The following FCN2 variants were observed in gnomAD, a reference collection of about 807,000 sequenced individuals.
FCN2 encodes ficolin-2.
In FCN2, 31 loss-of-function variants were observed where a neutral mutation model predicts 32.5. The ratio of observed to expected loss-of-function variants is 0.96; its 90% CI spans 0.72 to 1.29. The LOEUF (loss-of-function observed/expected upper bound fraction) is 1.29, where lower values mean the gene tolerates loss of function less well. Among genes scored for constraint, FCN2 ranks in the 50% most tolerant of loss-of-function variants. The probability of loss-of-function intolerance (pLI) is 0.00; values close to 1 mark genes in which losing one functional copy is unlikely to be tolerated. For missense variants in FCN2, 412 were observed against 406.5 expected (o/e 1.01, Z -0.12); for synonymous variants, 181 against 164.5 (o/e 1.10, Z -0.77).
At chr9:134,865,713 A>G in the FCN2 span, among the ~76,000 whole-genome samples, 294 of 152,362 alleles carry the variant, frequency 1.9e-3, no homozygotes, top group Admixed American at 4.8e-3. Context: ...ATGGTCTCTT[A>G]GAGCACCCTT....
chr9:134,874,373 C>G, the FCN2 span, among the ~76,000 whole-genome samples: 5 of 152,096 alleles, frequency 3.3e-5, no homozygotes, highest in Non-Finnish European at 7.4e-5. Flanking sequence ...GAGCTATGAT[C>G]TATTTCAAAT....
At chr9:134,864,759 G>A in the FCN2 span, among the ~76,000 whole-genome samples, 3 of 152,304 alleles carry the variant, frequency 2.0e-5, no homozygotes, top group East Asian at 3.9e-4. Flanking sequence ...CGCCAGGCCC[G>A]GTACTATGCC....
At chr9:134,887,028 T>A in intron 7 of FCN2, 140 bp from the exon 8 acceptor site, 2 of 985,180 alleles carry the variant, frequency 2.0e-6, no homozygotes, top group South Asian at 2.6e-5. Flanking sequence ...AGTCATGGAT[T>A]GCACTTCTTG....
At chr9:134,872,280 A>C in the FCN2 span, among the ~76,000 whole-genome samples, 1 of 151,964 alleles carries the variant, frequency 6.6e-6, no homozygotes, top group East Asian at 1.9e-4. Context: ...TCCGATCAGC[A>C]GAGTCATACT....
At chr9:134,884,712 A>G in intron 3 of FCN2, 28 bp from the exon 4 acceptor site, 4 of 1,612,728 alleles carry the variant, frequency 2.5e-6, no homozygotes, top group Non-Finnish European at 3.4e-6. Context: ...AAACTGTGAC[A>G]CGTGTGTCCT....
the FCN2 span, among the ~76,000 whole-genome samples, chr9:134,873,888 T>C: frequency 2.0e-4 from 1 of 4,882 alleles, no homozygotes; most frequent in Non-Finnish European, 3.7e-4. Context: ...TGTTTGTTTG[T>C]TTTGTTTTTT....
chr9:134,881,039 A>G (rs2132996243), intron 1 of FCN2, 118 bp downstream of exon 1: 1 of 750,868 alleles, frequency 1.3e-6, no homozygotes, highest in Non-Finnish European at 2.4e-6. Context: ...GCATCGTCTA[A>G]CGAGACAGCA....
At chr9:134,881,650 C>T (rs3124954) in intron 1 of FCN2, among the ~76,000 whole-genome samples, 48,882 of 151,982 alleles carry the variant, frequency 0.32, 8,233 homozygotes, top group South Asian at 0.43. Context: ...TTCTGGAATG[C>T]ATGTGAGACA....
intron 4 of FCN2, 109 bp from the exon 5 acceptor site, chr9:134,885,130 T>C: frequency 2.7e-6 from 4 of 1,468,842 alleles, no homozygotes; most frequent in Non-Finnish European, 3.8e-6. Context: ...TCCCGCTCTG[T>C]TCATACAGAC....
At chr9:134,872,923 TC>T in the FCN2 span, among the ~76,000 whole-genome samples, 1 of 152,216 alleles carries the variant, frequency 6.6e-6, no homozygotes. Context: ...GTCCTCCACA[TC>T]CTTGTCAGCA....
chr9:134,867,550 T>G, the FCN2 span, among the ~76,000 whole-genome samples: 1 of 145,280 alleles, frequency 6.9e-6, no homozygotes, highest in Admixed American at 6.9e-5. Flanking sequence ...AGATGACGAG[T>G]TAGTGGGTGC....
chr9:134,887,208 C>T lies in FCN2; in HGVS notation c.735C>T (p.Thr245=), dbSNP rs1433211552. ...LTFHNNQSFS[T]KDQDNDLNTG... ...TCCACAACAACCAGTCCTTCTCCACCAAAGACCAGGACAATGATCTTAACA... is the reference window on the plus strand; with the variant it reads ...TCCACAACAACCAGTCCTTCTCCACTAAAGACCAGGACAATGATCTTAACA... Residue 245 remains threonine, a synonymous_variant, in exon 8 of 8, where the codon ACC becomes ACT. Transcript: ENST00000291744. 1.9e-6 allele frequency: 3 copies of T among 1,614,098 alleles called. No individual in the cohort carries two copies. Among genetic ancestry groups the T allele is most frequent in the African/African-American group, 1.3e-5 (1 of 75,060 alleles).
Position 134,885,357 on chromosome 9 carries a change from G to C in FCN2, c.420G>C (p.Gly140=). Residue 140 remains glycine (G), a synonymous_variant, in exon 5 of 8, where the codon GGG becomes GGC. Coordinates refer to ENST00000291744, the MANE Select transcript of FCN2 (RefSeq NM_004108.3). ...TVLCDMDTDG[G]GWTVFQRRVD... ...TCTGTGACATGGACACGGACGGAGGGGGCTGGACCGTGAGTGTGGGGCTGG... is the reference window on the plus strand; with the variant it reads ...TCTGTGACATGGACACGGACGGAGGCGGCTGGACCGTGAGTGTGGGGCTGG... 1 of 1,613,698 alleles carries C rather than the reference G, an allele frequency of 6.2e-7. No homozygotes were observed. Among genetic ancestry groups the C allele is most frequent in the East Asian group, 2.2e-5 (1 of 44,850 alleles).
the FCN2 span, chr9:134,868,414 A>C: frequency 5.0e-6 from 1 of 200,370 alleles, no homozygotes; most frequent in South Asian, 1.1e-4. The surrounding 1 kb of genome is among the most constrained non-coding windows in gnomAD (Gnocchi z 4.3). Flanking sequence ...ATCAACTGGA[A>C]GTCGGGGAAA....
Position 134,882,637 on chromosome 9 carries a change from G to C in FCN2, c.212G>C (p.Arg71Thr). 6.2e-7 allele frequency: 1 copy of C among 1,606,234 alleles called. No individual in the cohort carries two copies. Among genetic ancestry groups the C allele is most frequent in the Non-Finnish European group, 8.5e-7 (1 of 1,172,962 alleles). The change falls in exon 2 of 8, where the codon AGA becomes ACA. Residue 71 changes from arginine (R) to threonine (T), a missense_variant and splice_region_variant. Coordinates refer to ENST00000291744, the MANE Select transcript of FCN2 (RefSeq NM_004108.3). ...GGAGAGGCAGGCACCAATGGAAAGA[G>C]AGGTAGGTGCAGGCATGGCTGGGGG... is the stretch of plus-strand genomic sequence containing the variant. Reference protein sequence around the residue: ...PKGEAGTNGKRGERGPPGPPG... With the variant: ...PKGEAGTNGKTGERGPPGPPG...
chr9:134,884,718 G>T, intron 3 of FCN2, 22 bp from the exon 4 acceptor site: 1 of 1,613,338 alleles, frequency 6.2e-7, no homozygotes, highest in Non-Finnish European at 8.5e-7. Flanking sequence ...TGACACGTGT[G>T]TCCTCTCTCA....
intron 5 of FCN2, 130 bp downstream of exon 5, chr9:134,885,496 T>C (rs1179062267): frequency 1.4e-6 from 2 of 1,454,440 alleles, no homozygotes; most frequent in Non-Finnish European, 1.8e-6. Flanking sequence ...ATGGGGGAGA[T>C]GACCGGTGGG....
chr9:134,868,769 C>G, the FCN2 span, among the ~76,000 whole-genome samples: 3 of 152,338 alleles, frequency 2.0e-5, no homozygotes, highest in East Asian at 5.8e-4. The surrounding 1 kb of genome is among the most constrained non-coding windows in gnomAD (Gnocchi z 4.3). Flanking sequence ...TTTGCCCTGC[C>G]CTGACCAGTG....
chr9:134,865,853 CAG>C, the FCN2 span, among the ~76,000 whole-genome samples: 19 of 152,196 alleles, frequency 1.2e-4, no homozygotes, highest in Non-Finnish European at 1.9e-4. Flanking sequence ...AACAGACAAA[CAG>C]AGAGCCAAAT....
Sources: allele counts gnomAD v4.1 joint callset (sites outside exome capture counted in the v4.1 genomes callset), GRCh38; gene constraint gnomAD v4.1.1; non-coding constraint Gnocchi (gnomAD v3.1); transcripts MANE v1.5; gene names NCBI Gene and HGNC (gene_info 2026-07-23, HGNC 2026-07-21).